The following DAB1 variants were observed in gnomAD, a reference collection of about 807,000 sequenced individuals.
DAB1 encodes DAB adaptor protein 1, also known as disabled homolog 1.
A neutral mutation model predicts 64.6 loss-of-function variants in DAB1; 15 were observed. That is an observed-to-expected ratio of 0.23 (90% confidence interval 0.16 to 0.36). The LOEUF is 0.36. Among genes scored for constraint, DAB1 ranks in the 10% least tolerant of loss-of-function variants. The probability of loss-of-function intolerance (pLI) is 1.00; values close to 1 mark genes in which losing one functional copy is unlikely to be tolerated. For synonymous variants in DAB1, 235 were observed against 251.9 expected, an observed-to-expected ratio of 0.93 and a Z score of 0.64; for missense variants, 596 against 706.7, an observed-to-expected ratio of 0.84 and a Z score of 1.78.
chr1:58,119,681 A>G (rs994036134), intron 5 of DAB1, among the ~76,000 whole-genome samples: 7 of 152,162 alleles, frequency 4.6e-5, no homozygotes, highest in Admixed American at 1.3e-4. Flanking sequence ...GAGCAGAGAA[A>G]TAGCCAGAGC....
At chr1:58,056,207 G>C in intron 5 of DAB1, 2 of 1,522,012 alleles carry the variant, frequency 1.3e-6, no homozygotes, top group Non-Finnish European at 1.8e-6. Flanking sequence ...CGGTCCTTGC[G>C]GGCTTCACGA....
intron 7 of DAB1, among the ~76,000 whole-genome samples, chr1:57,642,270 T>C (rs1437046057): frequency 6.6e-6 from 1 of 152,210 alleles, no homozygotes; most frequent in Non-Finnish European, 1.5e-5. Context: ...GAATCTCCTG[T>C]TCCCCAAAGG....
chr1:57,916,439 C>T (rs1644728149), intron 5 of DAB1, among the ~76,000 whole-genome samples: 1 of 152,212 alleles, frequency 6.6e-6, no homozygotes, highest in South Asian at 2.1e-4. Flanking sequence ...AAGTTTATAG[C>T]TTGACATTTC....
At chr1:57,889,477 G>T (rs1304613456) in intron 5 of DAB1, among the ~76,000 whole-genome samples, 1 of 152,180 alleles carries the variant, frequency 6.6e-6, no homozygotes, top group African/African-American at 2.4e-5. Flanking sequence ...TTCCATACCT[G>T]ACACTGATTT....
intron 3 of DAB1, among the ~76,000 whole-genome samples, chr1:58,367,137 G>A (rs1280668844): frequency 6.6e-6 from 1 of 151,990 alleles, no homozygotes; most frequent in African/African-American, 2.4e-5. Context: ...TAATATGAAG[G>A]GAATAAATAC....
At chr1:58,294,791 G>T (rs375776516) in intron 4 of DAB1, among the ~76,000 whole-genome samples, 6 of 151,726 alleles carry the variant, frequency 4.0e-5, no homozygotes, top group African/African-American at 9.7e-5. Flanking sequence ...CTAGGTAGAG[G>T]ATGCAAAAAT....
At position 57,056,516 on chromosome 1, in the gene DAB1, A is replaced by G. The variant is rs542203955; in HGVS notation, c.723+6368T>C. 3.6e-4 allele frequency among the ~76,000 whole-genome samples: 54 copies of G among 151,382 alleles called. 1 individual carries two copies. In the South Asian group the frequency reaches 0.011, roughly 30 times the overall value. ...TAAGAGCCTGTCTCAAAAAAAAAAA[A>G]AAAAGAAAAAAAAGAAAAGAAAAGA... is the stretch of plus-strand genomic sequence containing the variant. On this transcript the variant is annotated intron_variant, in intron 9 of 14. Coordinates refer to ENST00000371236, the MANE Select transcript of DAB1 (RefSeq NM_001365792.1).
At chr1:57,439,436 T>G (rs1404819133) in intron 7 of DAB1, among the ~76,000 whole-genome samples, 1 of 135,986 alleles carries the variant, frequency 7.4e-6, no homozygotes, top group African/African-American at 2.9e-5. Context: ...TTTTTTTTTT[T>G]TTTTTTTTTT....
intron 5 of DAB1, among the ~76,000 whole-genome samples, chr1:58,098,634 G>A (rs57918745): frequency 0.14 from 21,102 of 152,172 alleles, 1,974 homozygotes; most frequent in East Asian, 0.44. Flanking sequence ...CAACAATAGG[G>A]TCTGGAAAGA....
chr1:57,118,913 T>G (rs897080115), intron 4 of DAB1, among the ~76,000 whole-genome samples: 2 of 152,140 alleles, frequency 1.3e-5, no homozygotes, highest in African/African-American at 2.4e-5. Context: ...CTCGCATTTA[T>G]GATGATAGAA....
At chr1:57,956,396 C>T (rs950136057) in intron 5 of DAB1, among the ~76,000 whole-genome samples, 5 of 152,144 alleles carry the variant, frequency 3.3e-5, no homozygotes, top group African/African-American at 1.2e-4. Context: ...GGATTAGTGA[C>T]ATCTGAGACA....
chr1:57,868,815 C>T (rs1654413758), intron 1 of DAB1, among the ~76,000 whole-genome samples: 2 of 152,232 alleles, frequency 1.3e-5, no homozygotes, highest in South Asian at 2.1e-4. Flanking sequence ...CTATACAACA[C>T]ACTCTTCCTT....
chr1:57,738,734 A>G (rs1647818668), intron 6 of DAB1, among the ~76,000 whole-genome samples: 1 of 152,184 alleles, frequency 6.6e-6, no homozygotes, highest in Non-Finnish European at 1.5e-5. Flanking sequence ...AGCTCGTTGA[A>G]TTATTTATTT....
At chr1:57,289,523 A>G (rs114682910) in intron 2 of DAB1, among the ~76,000 whole-genome samples, 1 of 152,330 alleles carries the variant, frequency 6.6e-6, no homozygotes, top group Non-Finnish European at 1.5e-5. Context: ...GGAACAAAAT[A>G]GACTGCCTCC....
chr1:58,302,386 A>G (rs1662193450), intron 4 of DAB1, among the ~76,000 whole-genome samples: 1 of 152,112 alleles, frequency 6.6e-6, no homozygotes, highest in Non-Finnish European at 1.5e-5. Flanking sequence ...AGAGAGAGAG[A>G]GAGAGGAGTA....
intron 3 of DAB1, among the ~76,000 whole-genome samples, chr1:58,370,374 C>CGTGTGTGTGTGT (rs67230027): frequency 3.5e-5 from 5 of 144,560 alleles, no homozygotes; most frequent in Non-Finnish European, 7.7e-5. Context: ...TGAGTGTGTG[C>CGTGTGTGTGTGT]GTGTGTGTGT....
intron 3 of DAB1, among the ~76,000 whole-genome samples, chr1:58,466,080 G>A (rs1466567811): frequency 3.3e-5 from 5 of 152,104 alleles, no homozygotes; most frequent in South Asian, 2.1e-4. Flanking sequence ...CCCCACAACT[G>A]CTTTCCAAAA....
At chr1:57,305,735 G>A (rs1046735127) in intron 1 of DAB1, among the ~76,000 whole-genome samples, 7 of 152,038 alleles carry the variant, frequency 4.6e-5, no homozygotes, top group South Asian at 4.2e-4. Context: ...TTTGGGAGGC[G>A]GAGGCGGGCA....
intron 3 of DAB1, among the ~76,000 whole-genome samples, chr1:58,491,540 C>CA (rs1645690332): frequency 6.6e-6 from 1 of 152,004 alleles, no homozygotes; most frequent in African/African-American, 2.4e-5. Flanking sequence ...CAGAGACACA[C>CA]ATAGGTTCAA....
Sources: allele counts gnomAD v4.1 joint callset (sites outside exome capture counted in the v4.1 genomes callset), GRCh38; gene constraint gnomAD v4.1.1; transcripts MANE v1.5; gene names NCBI Gene and HGNC (gene_info 2026-07-23, HGNC 2026-07-21).